ABCA13: variants seen among roughly 807,000 people sequenced by gnomAD.
ABCA13 encodes ATP-binding cassette sub-family A member 13.
A neutral mutation model predicts 478.7 loss-of-function variants in ABCA13; 476 were observed. That is an observed-to-expected ratio of 0.99 (90% CI 0.92 to 1.07). The LOEUF is 1.07. Among genes scored for constraint, ABCA13 ranks in the 50% least tolerant of loss-of-function variants. The pLI is 0.00. For missense variants in ABCA13, 6,060 were observed against 5,910.6 expected (o/e 1.03, Z -0.83); for synonymous variants, 2,252 against 2,158.9 (o/e 1.04, Z -1.20).
intron 51 of ABCA13, among the ~76,000 whole-genome samples, chr7:48,513,340 C>G (rs1359519987): frequency 6.6e-6 from 1 of 152,146 alleles, no homozygotes; most frequent in East Asian, 1.9e-4. Flanking sequence ...ATAAACATGC[C>G]TAATCGCAGT....
chr7:48,234,038 A>C lies in ABCA13; in HGVS notation c.784A>C (p.Met262Leu). 1 of 1,614,038 alleles carries C rather than the reference A, an allele frequency of 6.2e-7. No individual in the cohort carries two copies. Among genetic ancestry groups the C allele is most frequent in the Non-Finnish European group, 8.5e-7 (1 of 1,179,882 alleles). Reference protein sequence around the residue: ...AVTEPVYHLSMQNIVWDPQKV... With the variant: ...AVTEPVYHLSLQNIVWDPQKV... ...AACAGAGCCAGTTTACCACCTGTCC[A>C]TGCAGAATATAGTGTGGGATCCACA... Residue 262 changes from methionine (M) to leucine (L), a missense_variant, in exon 8 of 62, where the codon ATG becomes CTG. This residue lies in a region of ABCA13 where 4,423 missense variants were observed against 4,309.1 expected (regional missense o/e 1.03). Transcript: ENST00000435803.
At chr7:48,530,948 C>T (rs1468290836) in intron 55 of ABCA13, among the ~76,000 whole-genome samples, 2 of 152,156 alleles carry the variant, frequency 1.3e-5, no homozygotes, top group Non-Finnish European at 2.9e-5. Flanking sequence ...TGGCTGTTAA[C>T]CCTGCTGATT....
chr7:48,525,944 C>T (rs746642672), intron 54 of ABCA13, among the ~76,000 whole-genome samples: 20 of 151,848 alleles, frequency 1.3e-4, no homozygotes, highest in Non-Finnish European at 2.4e-4. Context: ...CCTGTGCCCA[C>T]GTGTTCTCAT....
intron 51 of ABCA13, among the ~76,000 whole-genome samples, 157 bp downstream of exon 51, chr7:48,511,356 A>G (rs1016661901): frequency 2.0e-5 from 3 of 152,212 alleles, no homozygotes; most frequent in African/African-American, 7.2e-5. Flanking sequence ...AAGCCTGAGC[A>G]GGATGATGAA....
At chr7:48,287,269 C>G (rs1797898465) in intron 19 of ABCA13, among the ~76,000 whole-genome samples, 1 of 152,184 alleles carries the variant, frequency 6.6e-6, no homozygotes, top group African/African-American at 2.4e-5. Context: ...CAACATGGAG[C>G]CTTTGCACAG....
At chr7:48,485,881 TAACTC>T (rs1829248098) in intron 47 of ABCA13, among the ~76,000 whole-genome samples, 1 of 152,186 alleles carries the variant, frequency 6.6e-6, no homozygotes, top group South Asian at 2.1e-4. Context: ...CAATGACCCT[TAACTC>T]TACTCTGCCA....
chr7:48,524,938 A>G (rs1360837145), intron 54 of ABCA13, among the ~76,000 whole-genome samples: 1 of 152,244 alleles, frequency 6.6e-6, no homozygotes, highest in African/African-American at 2.4e-5. Context: ...GACAGAAGCC[A>G]TATAAATTGT....
At chr7:48,198,190 C>T in intron 2 of ABCA13, 47 bp from the exon 3 acceptor site, 1 of 1,544,772 alleles carries the variant, frequency 6.5e-7, no homozygotes, top group South Asian at 1.3e-5. Flanking sequence ...AATTCCATTT[C>T]TGGTAGCAGG....
chr7:48,513,691 A>G (rs1563377389), intron 51 of ABCA13, among the ~76,000 whole-genome samples: 1 of 152,216 alleles, frequency 6.6e-6, no homozygotes, highest in Admixed American at 6.5e-5. Context: ...AAATGATATT[A>G]TATTTTAATA....
At position 48,272,972 on chromosome 7, in the gene ABCA13, G is replaced by A. The variant is rs745683720; in HGVS notation, c.3306G>A (p.Ser1102=). The change falls in exon 17 of 62, where the codon TCG becomes TCA. Residue 1102 remains serine (S), a synonymous_variant. Transcript: ENST00000435803. ...TATTGGATAATAAATGCTTGATTTC[G>A]GACAATAAACACATTTCTTCCGTAA... ...EDLLDNKCLI[S]DNKHISSVNY... is the part of the protein sequence containing the mutation. 32 of 1,613,314 alleles carry A rather than the reference G, an allele frequency of 2.0e-5. No homozygotes were observed. Among genetic ancestry groups the A allele is most frequent in the Middle Eastern group, 1.7e-4 (1 of 6,058 alleles).
At chr7:48,349,728 A>G (rs1001086690) in intron 29 of ABCA13, among the ~76,000 whole-genome samples, 1 of 152,180 alleles carries the variant, frequency 6.6e-6, no homozygotes, top group African/African-American at 2.4e-5. Flanking sequence ...TCCGGGGACA[A>G]ATGCCCACAG....
intron 31 of ABCA13, among the ~76,000 whole-genome samples, chr7:48,354,630 A>G (rs1053003069): frequency 1.3e-5 from 2 of 152,074 alleles, no homozygotes; most frequent in African/African-American, 4.8e-5. Flanking sequence ...CTCTTATTCT[A>G]CTACTGGGAT....
chr7:48,287,075 G>C (rs557500888), intron 19 of ABCA13, among the ~76,000 whole-genome samples: 1 of 141,542 alleles, frequency 7.1e-6, no homozygotes, highest in South Asian at 2.1e-4. Flanking sequence ...CTGCGCAGCA[G>C]GGAGGGGAGG....
In ABCA13 at chr7:48,294,446, TG is replaced by T. The variant is rs59388116; in HGVS notation, c.8956-1253del. On this transcript the variant is annotated intron_variant, in intron 20 of 61. Coordinates refer to ENST00000435803, the MANE Select transcript of ABCA13 (RefSeq NM_152701.5). Reference sequence around the variant, plus strand: ...ATGGGTTTTTTTTTTTTTTTTGTTTTGTTTTTTTTTTGAGACGGAGTCTCGC... The same window carrying T: ...ATGGGTTTTTTTTTTTTTTTTGTTTTTTTTTTTTTTGAGACGGAGTCTCGC... 2.3e-4 allele frequency among the ~76,000 whole-genome samples: 34 copies of T among 145,302 alleles called. 1 individual carries two copies. Among genetic ancestry groups the T allele is most frequent in the Middle Eastern group, 3.4e-3 (1 of 290 alleles).
intron 33 of ABCA13, among the ~76,000 whole-genome samples, chr7:48,373,046 A>G (rs1563143128): frequency 1.3e-5 from 2 of 152,202 alleles, no homozygotes; most frequent in Middle Eastern, 3.2e-3. Flanking sequence ...TGCCTGACAC[A>G]TAGTAGGAAC....
intron 41 of ABCA13, among the ~76,000 whole-genome samples, chr7:48,423,155 C>T (rs1381090081): frequency 6.6e-6 from 1 of 152,180 alleles, no homozygotes; most frequent in Non-Finnish European, 1.5e-5. Flanking sequence ...AGGGGACAGC[C>T]CTGCCCAAGA....
intron 16 of ABCA13, 99 bp downstream of exon 16, chr7:48,269,193 C>A (rs1795270205): frequency 1.5e-6 from 1 of 660,504 alleles, no homozygotes; most frequent in Admixed American, 2.9e-5. Flanking sequence ...AATTTATGAG[C>A]CTGATTTAGA....
intron 59 of ABCA13, among the ~76,000 whole-genome samples, chr7:48,635,127 T>G (rs1794520428): frequency 6.6e-6 from 1 of 150,748 alleles, no homozygotes; most frequent in Non-Finnish European, 1.5e-5. Context: ...AGCCTGTATC[T>G]CCGATGAATC....
chr7:48,354,245 G>A (rs2128990078), intron 31 of ABCA13, among the ~76,000 whole-genome samples: 1 of 152,088 alleles, frequency 6.6e-6, no homozygotes, highest in Non-Finnish European at 1.5e-5. Context: ...GAAAGAGCGG[G>A]GTTGTGCTTA....
Sources: allele counts gnomAD v4.1 joint callset (sites outside exome capture counted in the v4.1 genomes callset), GRCh38; gene constraint gnomAD v4.1.1; regional missense constraint gnomAD v4.1.1; transcripts MANE v1.5; gene names NCBI Gene and HGNC (gene_info 2026-07-23, HGNC 2026-07-21).